The following PHF14 variants were observed in gnomAD, a reference collection of about 807,000 sequenced individuals.
PHF14 encodes PHD finger protein 14.
PHF14 carries 55 observed loss-of-function variants against 117.9 expected under a neutral mutation model. The ratio of observed to expected loss-of-function variants is 0.47; its 90% confidence interval spans 0.38 to 0.58. The LOEUF is 0.58. Ranked by LOEUF, PHF14 falls within the 20% of genes least tolerant of loss-of-function variation. The pLI is 0.00. For synonymous variants in PHF14, 409 were observed against 368.6 expected, an observed-to-expected ratio of 1.11 and a Z score of -1.26; for missense variants, 978 against 1,122.2, an observed-to-expected ratio of 0.87 and a Z score of 1.84.
At chr7:10,999,536 G>C (rs1481702745) in intron 4 of PHF14, among the ~76,000 whole-genome samples, 1 of 152,056 alleles carries the variant, frequency 6.6e-6, no homozygotes, top group African/African-American at 2.4e-5. Context: ...TGTTGTTTTT[G>C]AGTCATGTTT....
At chr7:11,102,889 T>C (rs1787139302) in intron 16 of PHF14, 2 of 1,124,612 alleles carry the variant, frequency 1.8e-6, no homozygotes, top group South Asian at 2.6e-5. Context: ...CAAATGTTGA[T>C]ACACAGTGTT....
intron 11 of PHF14, among the ~76,000 whole-genome samples, chr7:11,039,310 T>C (rs1286683177): frequency 6.6e-6 from 1 of 152,162 alleles, no homozygotes; most frequent in Non-Finnish European, 1.5e-5. Flanking sequence ...TTTATGTTAA[T>C]TTGGTTTTCA....
chr7:11,006,671 C>G, intron 4 of PHF14: 1 of 623,290 alleles, frequency 1.6e-6, no homozygotes, highest in Non-Finnish European at 3.0e-6. Context: ...GCTTGTTTCT[C>G]CTGGGGGAGC....
intron 4 of PHF14, among the ~76,000 whole-genome samples, chr7:10,995,567 TG>T (rs1436925519): frequency 6.6e-6 from 1 of 152,170 alleles, no homozygotes. Flanking sequence ...CCTCAGCCCT[TG>T]GGTGGTCGAT....
chr7:11,080,189 G>A (rs1032764185), intron 16 of PHF14, among the ~76,000 whole-genome samples: 1 of 152,084 alleles, frequency 6.6e-6, no homozygotes, highest in Non-Finnish European at 1.5e-5. Context: ...GAATTTTGTA[G>A]CATTAGATTT....
In PHF14 at chr7:10,983,211, C is replaced by G. The variant is rs909448428; in HGVS notation, c.900+52C>G. 24 of 1,532,010 alleles carry G rather than the reference C, an allele frequency of 1.6e-5. No homozygotes were observed. In the African/African-American group the frequency reaches 3.0e-4, roughly 19 times the overall value. The allele number at this position is 1,532,010 out of a possible 1,614,324, so 94.9% of individuals were successfully genotyped here. ...TCTGTCTGGGGAAAAGGGAATTCTT[C>G]TCTAAATCACTCTACACATTGTATT... On this transcript the variant is annotated intron_variant, in intron 3 of 17. Transcript: ENST00000634607.
At chr7:10,976,484 G>C (rs1781868833) in intron 2 of PHF14, among the ~76,000 whole-genome samples, 1 of 152,028 alleles carries the variant, frequency 6.6e-6, no homozygotes, top group Non-Finnish European at 1.5e-5. Flanking sequence ...CGAATTCTTT[G>C]AATATGGGAA....
chr7:11,073,363 A>C (rs1785698747), intron 16 of PHF14, among the ~76,000 whole-genome samples: 1 of 152,206 alleles, frequency 6.6e-6, no homozygotes, highest in Admixed American at 6.5e-5. Context: ...GTAGGCCCCC[A>C]CATATTTCTA....
intron 17 of PHF14, among the ~76,000 whole-genome samples, chr7:11,137,255 A>G (rs1039632483): frequency 3.3e-5 from 5 of 152,180 alleles, no homozygotes; most frequent in African/African-American, 4.8e-5. Flanking sequence ...CTTTTGATCA[A>G]TTGCTTGATC....
intron 17 of PHF14, among the ~76,000 whole-genome samples, chr7:11,145,482 C>T (rs1788522044): frequency 6.6e-6 from 1 of 152,066 alleles, no homozygotes; most frequent in Non-Finnish European, 1.5e-5. Flanking sequence ...TAGGCAGTTA[C>T]TTCACTATAA....
At chr7:11,111,055 CAT>C in intron 16 of PHF14, 1 of 207,122 alleles carries the variant, frequency 4.8e-6, no homozygotes, top group Non-Finnish European at 9.6e-6. Context: ...GTTTTGAACA[CAT>C]GATTATACAT....
At chr7:11,018,810 G>A (rs1469312030) in intron 5 of PHF14, among the ~76,000 whole-genome samples, 7 of 152,172 alleles carry the variant, frequency 4.6e-5, no homozygotes, top group Non-Finnish European at 1.0e-4. Context: ...GGGCCTGCTT[G>A]TCGTGTTCCA....
chr7:11,122,331 T>TTTTATATATATATATATATATATA (rs1236770638), intron 17 of PHF14, among the ~76,000 whole-genome samples: 1 of 84,054 alleles, frequency 1.2e-5, no homozygotes, highest in African/African-American at 5.9e-5. Context: ...TTTGTACTTT[T>TTTTATATATATATATATATATATA]TATATATATA....
At chr7:11,110,142 T>A (rs956226633) in intron 16 of PHF14, 3 of 151,410 alleles carry the variant, frequency 2.0e-5, no homozygotes, top group African/African-American at 7.3e-5. Context: ...TTTCTTAAAG[T>A]CAATTGTTTT....
At chr7:11,014,415 G>A (rs956961248) in intron 5 of PHF14, among the ~76,000 whole-genome samples, 5 of 152,140 alleles carry the variant, frequency 3.3e-5, no homozygotes, top group Non-Finnish European at 7.4e-5. Context: ...ATTATCCAAG[G>A]AATGACAAAA....
intron 17 of PHF14, among the ~76,000 whole-genome samples, chr7:11,115,907 TAAG>T (rs1787588872): frequency 6.6e-6 from 1 of 152,026 alleles, no homozygotes; most frequent in East Asian, 1.9e-4. Context: ...GCATCTTTGA[TAAG>T]AATACCACAG....
rs910269478 is a variant in PHF14, at chr7:11,130,099, A to G, written c.2772+18632A>G. 5.5e-5 allele frequency among the ~76,000 whole-genome samples: 7 copies of G among 126,270 alleles called. No individual in the cohort carries two copies. Among genetic ancestry groups the G allele is most frequent in the Admixed American group, 2.3e-4 (3 of 13,076 alleles). 82.8% of individuals were successfully genotyped at this position (126,270 alleles called of 152,430 possible). On this transcript the variant is annotated intron_variant, in intron 17 of 17. Transcript: ENST00000634607. The surrounding 1 kb of genome is among the most constrained non-coding windows in gnomAD (Gnocchi z 4.2). ...GGTTGACAGAGCAGCTCTGCTCATT[A>G]TAGTCACTTGGGGACCCGAGCTGAT... is the stretch of plus-strand genomic sequence containing the variant.
intron 17 of PHF14, among the ~76,000 whole-genome samples, chr7:11,153,972 T>TGTGTGTGTGTGTGTGTG (rs1562488381): frequency 6.6e-6 from 1 of 151,326 alleles, no homozygotes; most frequent in African/African-American, 2.4e-5. Flanking sequence ...TGTGTGTGTG[T>TGTGTGTGTGTGTGTGTG]TTTAAGAATA....
intron 16 of PHF14, among the ~76,000 whole-genome samples, chr7:11,092,948 C>CA (rs1318893998): frequency 1.3e-5 from 2 of 152,242 alleles, no homozygotes; most frequent in East Asian, 3.9e-4. Flanking sequence ...ATTGGCATGG[C>CA]AACGTTCTAG....
Sources: allele counts gnomAD v4.1 joint callset (sites outside exome capture counted in the v4.1 genomes callset), GRCh38; gene constraint gnomAD v4.1.1; non-coding constraint Gnocchi (gnomAD v3.1); transcripts MANE v1.5; gene names NCBI Gene and HGNC (gene_info 2026-07-23, HGNC 2026-07-21).